The following PRKN variants were observed in gnomAD, a reference collection of about 807,000 sequenced individuals.
PRKN encodes the protein E3 ubiquitin-protein ligase parkin.
A neutral mutation model predicts 59.5 loss-of-function variants in PRKN; 56 were observed. The ratio of observed to expected loss-of-function variants is 0.94; its 90% CI spans 0.76 to 1.18. The LOEUF (loss-of-function observed/expected upper bound fraction) is 1.18, where lower values mean the gene tolerates loss of function less well. Ranked by LOEUF, PRKN falls within the 50% of genes most tolerant of loss-of-function variation. PRKN has a pLI of 0.00. For synonymous variants in PRKN, 250 were observed against 222.1 expected, an observed-to-expected ratio of 1.13 and a Z score of -1.12; for missense variants, 657 against 596.4, an observed-to-expected ratio of 1.10 and a Z score of -1.06.
intron 3 of PRKN, 99 bp from the exon 4 acceptor site, chr6:162,201,351 G>T: frequency 9.3e-7 from 1 of 1,071,016 alleles, no homozygotes. Context: ...TTAAAACTCA[G>T]TCTTCAGGAA....
At chr6:162,339,409 G>A (rs1459667006) in intron 2 of PRKN, among the ~76,000 whole-genome samples, 3 of 141,592 alleles carry the variant, frequency 2.1e-5, no homozygotes, top group Non-Finnish European at 3.1e-5. Flanking sequence ...CCCCCCGCCC[G>A]GCCAGCCGCC....
intron 9 of PRKN, among the ~76,000 whole-genome samples, chr6:161,464,466 T>C (rs2224852): frequency 0.22 from 34,112 of 152,160 alleles, 6,226 homozygotes; most frequent in African/African-American, 0.51. Flanking sequence ...ATGAAATATG[T>C]CAGTTTTAAT....
intron 4 of PRKN, among the ~76,000 whole-genome samples, chr6:162,179,972 GTGTGTGT>G (rs1783724024): frequency 3.1e-5 from 1 of 31,864 alleles, no homozygotes. Flanking sequence ...TTATTACTGT[GTGTGTGT>G]GTGTGTGTGT....
intron 4 of PRKN, among the ~76,000 whole-genome samples, chr6:162,097,494 A>G (rs761760870): frequency 2.0e-5 from 3 of 152,210 alleles, no homozygotes; most frequent in Non-Finnish European, 4.4e-5. Context: ...ATGTGAGTCA[A>G]TGCAACTTGG....
chr6:162,504,463 G>A (rs938012460), intron 1 of PRKN, among the ~76,000 whole-genome samples: 6 of 152,112 alleles, frequency 3.9e-5, no homozygotes, highest in Admixed American at 1.3e-4. Flanking sequence ...TGACATACTG[G>A]CATAGGGAAC....
At chr6:162,127,155 TGG>T (rs1355945016) in intron 4 of PRKN, among the ~76,000 whole-genome samples, 2 of 152,242 alleles carry the variant, frequency 1.3e-5, no homozygotes, top group African/African-American at 4.8e-5. Context: ...CAGATAATCT[TGG>T]TGAACTTTGT....
At chr6:162,209,753 T>C (rs1785113796) in intron 3 of PRKN, among the ~76,000 whole-genome samples, 1 of 152,168 alleles carries the variant, frequency 6.6e-6, no homozygotes, top group Non-Finnish European at 1.5e-5. Context: ...GTGGCACATA[T>C]ACACCGTGGA....
chr6:161,908,301 C>T (rs558682677), intron 6 of PRKN, among the ~76,000 whole-genome samples: 39 of 152,216 alleles, frequency 2.6e-4, no homozygotes, highest in Middle Eastern at 3.4e-3. Flanking sequence ...AAGAATCTTC[C>T]GGATGGAAAC....
At chr6:162,233,169 C>A (rs971748128) in intron 3 of PRKN, among the ~76,000 whole-genome samples, 1 of 152,106 alleles carries the variant, frequency 6.6e-6, no homozygotes, top group African/African-American at 2.4e-5. Flanking sequence ...CTTGTCATTT[C>A]AATATTAACT....
intron 3 of PRKN, among the ~76,000 whole-genome samples, chr6:162,222,684 C>A (rs886988484): frequency 6.6e-6 from 1 of 151,980 alleles, no homozygotes; most frequent in African/African-American, 2.4e-5. Context: ...ACAATGTCTG[C>A]GGGTCAGACC....
chr6:162,198,770 G>T (rs1428553829), intron 4 of PRKN, among the ~76,000 whole-genome samples: 2 of 151,916 alleles, frequency 1.3e-5, no homozygotes, highest in African/African-American at 4.8e-5. Context: ...TAGGCTCACA[G>T]GTCATCACCT....
chr6:162,698,205 A>G (rs1322215605), intron 1 of PRKN, among the ~76,000 whole-genome samples: 1 of 152,216 alleles, frequency 6.6e-6, no homozygotes, highest in African/African-American at 2.4e-5. Flanking sequence ...CTGGTTGCCT[A>G]GTCTATCAAT....
At chr6:162,563,471 C>T (rs938816771) in intron 1 of PRKN, among the ~76,000 whole-genome samples, 2 of 152,166 alleles carry the variant, frequency 1.3e-5, no homozygotes, top group Non-Finnish European at 2.9e-5. Context: ...TTGGGGTTCC[C>T]CCTAAAGTAG....
chr6:162,115,668 G>A (rs189353056), intron 4 of PRKN, among the ~76,000 whole-genome samples: 4 of 151,698 alleles, frequency 2.6e-5, no homozygotes, highest in Non-Finnish European at 5.9e-5. Flanking sequence ...CCAAATCAGA[G>A]GCCTTGAGTG....
At chr6:161,720,632 T>C (rs1370824465) in intron 7 of PRKN, among the ~76,000 whole-genome samples, 1 of 152,132 alleles carries the variant, frequency 6.6e-6, no homozygotes, top group Non-Finnish European at 1.5e-5. Flanking sequence ...ATCAATAATA[T>C]TGAAGGTTTA....
chr6:162,311,578 G>T (rs1177102001), intron 2 of PRKN, among the ~76,000 whole-genome samples: 2 of 151,260 alleles, frequency 1.3e-5, no homozygotes, highest in Non-Finnish European at 2.9e-5. Flanking sequence ...CACCTCCTGG[G>T]TTCAAGCGAT....
chr6:162,246,038 C>T (rs1025852027), intron 3 of PRKN, among the ~76,000 whole-genome samples: 1 of 152,112 alleles, frequency 6.6e-6, no homozygotes, highest in Admixed American at 6.6e-5. Flanking sequence ...AGGACTGAAG[C>T]TATAAATTCT....
chr6:161,736,474 G>C (rs891323297), intron 7 of PRKN, among the ~76,000 whole-genome samples: 1 of 152,208 alleles, frequency 6.6e-6, no homozygotes, highest in Admixed American at 6.5e-5. Flanking sequence ...GATAAACACT[G>C]TGACAACACA....
In PRKN at chr6:162,685,185, G is replaced by A. The variant is rs575434091; in HGVS notation, c.7+42477C>T. On this transcript the variant is annotated intron_variant, in intron 1 of 11. Coordinates refer to ENST00000366898, the MANE Select transcript of PRKN (RefSeq NM_004562.3). ...ACCTACTTCATAGTGCTGCTGTGAT[G>A]ACTAAATTATGCCACGAAGCATGTT... Among the ~76,000 whole-genome samples, 9 of 152,198 alleles carry A rather than the reference G, an allele frequency of 5.9e-5. No individual in the cohort carries two copies. The South Asian group carries it at 1.7e-3, about 28-fold the overall frequency.
Sources: gnomAD v4.1 joint callset for allele counts (sites outside exome capture counted in the v4.1 genomes callset) on GRCh38, gnomAD v4.1.1 for gene constraint, MANE v1.5 for transcripts, NCBI Gene and HGNC (gene_info 2026-07-23, HGNC 2026-07-21) for gene names.